Variants in KCNH8 observed in about 807,000 individuals in gnomAD.
KCNH8 encodes the protein voltage-gated delayed rectifier potassium channel KCNH8.
In KCNH8, 70 loss-of-function variants were observed where a neutral mutation model predicts 103.6. The observed-to-expected ratio is 0.68, with a 90% CI of 0.56 to 0.82. The LOEUF (loss-of-function observed/expected upper bound fraction) is 0.82. Ranked by LOEUF, KCNH8 falls within the 40% of genes least tolerant of loss-of-function variation. KCNH8 has a pLI of 0.00. For synonymous variants in KCNH8, 498 were observed against 489.4 expected, an observed-to-expected ratio of 1.02 and a Z score of -0.23; for missense variants, 1,217 against 1,329.9, an observed-to-expected ratio of 0.92 and a Z score of 1.32.
At chr3:19,371,252 C>T (rs2066089637) in intron 5 of KCNH8, among the ~76,000 whole-genome samples, 1 of 148,990 alleles carries the variant, frequency 6.7e-6, no homozygotes. Flanking sequence ...CCTATTTCTC[C>T]ACATCCTCTC....
intron 11 of KCNH8, among the ~76,000 whole-genome samples, chr3:19,500,025 G>A (rs1403992157): frequency 6.6e-6 from 1 of 152,090 alleles, no homozygotes; most frequent in Non-Finnish European, 1.5e-5. Context: ...ACCCATCAGT[G>A]TGCTGTATTC....
intron 1 of KCNH8, among the ~76,000 whole-genome samples, chr3:19,212,005 A>T (rs2063775897): frequency 6.6e-6 from 1 of 152,176 alleles, no homozygotes; most frequent in Non-Finnish European, 1.5e-5. Context: ...GACAGTAGCC[A>T]GAATAAGATT....
intron 1 of KCNH8, among the ~76,000 whole-genome samples, chr3:19,235,700 A>T (rs937501827): frequency 6.6e-6 from 1 of 152,210 alleles, no homozygotes; most frequent in Non-Finnish European, 1.5e-5. Flanking sequence ...GATTTTTCTT[A>T]AAAAATGCAG....
chr3:19,333,005 A>C (rs991106127), intron 3 of KCNH8, among the ~76,000 whole-genome samples: 30 of 152,112 alleles, frequency 2.0e-4, no homozygotes, highest in Non-Finnish European at 4.4e-5. Context: ...TCTTCACCAG[A>C]ATTTGATACT....
At chr3:19,257,379 G>C (rs893731637) in intron 2 of KCNH8, among the ~76,000 whole-genome samples, 3 of 151,928 alleles carry the variant, frequency 2.0e-5, no homozygotes, top group African/African-American at 7.2e-5. Context: ...ATCATCTCTG[G>C]TTTTCCCTAT....
intron 8 of KCNH8, among the ~76,000 whole-genome samples, chr3:19,444,042 G>C (rs550844442): frequency 1.3e-5 from 2 of 152,086 alleles, no homozygotes; most frequent in South Asian, 4.1e-4. Flanking sequence ...AAATTGACAA[G>C]TTGTTTCTAA....
chr3:19,181,425 C>T (rs988954426), intron 1 of KCNH8, among the ~76,000 whole-genome samples: 15 of 151,864 alleles, frequency 9.9e-5, no homozygotes, highest in East Asian at 9.7e-4. Context: ...AAGAGATGAA[C>T]GACAAAACAA....
intron 11 of KCNH8, among the ~76,000 whole-genome samples, chr3:19,499,352 T>C (rs915284176): frequency 3.3e-5 from 5 of 152,140 alleles, no homozygotes; most frequent in African/African-American, 1.2e-4. Context: ...TGGAACCAAG[T>C]TGGAAAACAC....
At chr3:19,258,939 C>CTATATATATATA (rs1157867394) in intron 2 of KCNH8, among the ~76,000 whole-genome samples, 1 of 74,100 alleles carries the variant, frequency 1.3e-5, no homozygotes, top group Non-Finnish European at 2.8e-5. Flanking sequence ...CTCTCTCTCT[C>CTATATATATATA]TCTCTCTCTA....
intron 1 of KCNH8, among the ~76,000 whole-genome samples, chr3:19,156,233 C>A (rs980350705): frequency 6.6e-6 from 1 of 152,112 alleles, no homozygotes; most frequent in African/African-American, 2.4e-5. Flanking sequence ...CTATCACAAC[C>A]CAATAACCCA....
At chr3:19,487,345 C>T (rs766690383) in intron 11 of KCNH8, among the ~76,000 whole-genome samples, 8 of 152,206 alleles carry the variant, frequency 5.3e-5, no homozygotes, top group Non-Finnish European at 1.0e-4. Context: ...GGTGCAGAGT[C>T]ACTGTAGCTT....
chr3:19,379,891 C>T (rs1212945298), intron 5 of KCNH8, among the ~76,000 whole-genome samples: 1 of 152,020 alleles, frequency 6.6e-6, no homozygotes, highest in Non-Finnish European at 1.5e-5. Flanking sequence ...TGGTTTCATC[C>T]ATATTGCTAG....
intron 2 of KCNH8, among the ~76,000 whole-genome samples, chr3:19,278,151 G>A (rs1049283081): frequency 1.3e-5 from 2 of 152,084 alleles, no homozygotes; most frequent in Admixed American, 6.6e-5. Context: ...ATGCAGGGTG[G>A]AGGGCTTGCT....
At chr3:19,287,825 C>T (rs561654396) in intron 3 of KCNH8, among the ~76,000 whole-genome samples, 5 of 151,202 alleles carry the variant, frequency 3.3e-5, no homozygotes, top group African/African-American at 1.2e-4. Context: ...ACCTCGTGAT[C>T]CACCTGCCTC....
chr3:19,342,765 A>G (rs1553639679), intron 4 of KCNH8, 51 bp downstream of exon 4: 4 of 1,522,474 alleles, frequency 2.6e-6, no homozygotes, highest in Non-Finnish European at 2.7e-6. Flanking sequence ...CCTGGTGGCA[A>G]TGTTTGACTC....
chr3:19,175,382 C>T (rs1264479284), intron 1 of KCNH8, among the ~76,000 whole-genome samples: 1 of 151,984 alleles, frequency 6.6e-6, no homozygotes, highest in African/African-American at 2.4e-5. Context: ...CCACTACGCC[C>T]GGCTAACTTT....
At chr3:19,277,941 A>G (rs146480077) in intron 2 of KCNH8, among the ~76,000 whole-genome samples, 2 of 152,144 alleles carry the variant, frequency 1.3e-5, no homozygotes, top group East Asian at 1.9e-4. Flanking sequence ...CTCTGCTCTT[A>G]TCATTCACAT....
intron 3 of KCNH8, among the ~76,000 whole-genome samples, chr3:19,337,999 C>CG (rs67419831): frequency 0.011 from 1,599 of 147,166 alleles, 15 homozygotes; most frequent in Non-Finnish European, 0.015. Flanking sequence ...GAGAGAGAGG[C>CG]GGGGGGGGGA....
intron 10 of KCNH8, among the ~76,000 whole-genome samples, chr3:19,455,917 A>G (rs2067525119): frequency 6.6e-6 from 1 of 152,052 alleles, no homozygotes; most frequent in African/African-American, 2.4e-5. Context: ...ATTCTCCTCA[A>G]ATATACAAAA....
Sources: gnomAD v4.1 joint callset for allele counts (sites outside exome capture counted in the v4.1 genomes callset) on GRCh38, gnomAD v4.1.1 for gene constraint, MANE v1.5 for transcripts, NCBI Gene and HGNC (gene_info 2026-07-23, HGNC 2026-07-21) for gene names.